Variants in ROBO1 observed in about 807,000 individuals in gnomAD.
ROBO1 encodes the protein roundabout homolog 1.
ROBO1 carries 149 observed loss-of-function variants against 195.9 expected under a neutral mutation model. The observed-to-expected ratio is 0.76, with a 90% CI of 0.67 to 0.87. The LOEUF is 0.87. Ranked by LOEUF, ROBO1 falls within the 40% of genes least tolerant of loss-of-function variation. The probability of loss-of-function intolerance (pLI) is 0.00; values close to 1 mark genes in which losing one functional copy is unlikely to be tolerated. For synonymous variants in ROBO1, 816 were observed against 733.2 expected, an observed-to-expected ratio of 1.11 and a Z score of -1.82; for missense variants, 1,933 against 2,068.3, an observed-to-expected ratio of 0.93 and a Z score of 1.27.
chr3:78,660,745 A>T (rs1246711044), intron 16 of ROBO1: 2 of 255,882 alleles, frequency 7.8e-6, no homozygotes. Context: ...TCATTTTTAA[A>T]TGTGAATTTT....
At chr3:79,471,938 GT>G (rs1260463204) in intron 2 of ROBO1, among the ~76,000 whole-genome samples, 1 of 146,878 alleles carries the variant, frequency 6.8e-6, no homozygotes, top group Non-Finnish European at 1.5e-5. Flanking sequence ...CCTGTTGGGG[GT>G]TGGGGGGCTA....
chr3:79,597,651 C>T (rs981493254), intron 1 of ROBO1, among the ~76,000 whole-genome samples: 3 of 152,010 alleles, frequency 2.0e-5, no homozygotes, highest in African/African-American at 7.2e-5. Context: ...CTATTACATC[C>T]TTGACTGAAA....
chr3:78,624,754 T>C (rs751255621), intron 26 of ROBO1, among the ~76,000 whole-genome samples: 1 of 151,970 alleles, frequency 6.6e-6, no homozygotes, highest in Non-Finnish European at 1.5e-5. Context: ...TGAAAACTGG[T>C]TAGTGTGGTA....
intron 2 of ROBO1, among the ~76,000 whole-genome samples, chr3:79,552,254 C>A (rs1364167617): frequency 6.6e-6 from 1 of 151,906 alleles, no homozygotes; most frequent in African/African-American, 2.4e-5. Context: ...AATATTCATT[C>A]TGAATATTAA....
chr3:79,565,162 A>C (rs1943050505), intron 2 of ROBO1, among the ~76,000 whole-genome samples: 1 of 152,112 alleles, frequency 6.6e-6, no homozygotes, highest in Non-Finnish European at 1.5e-5. Flanking sequence ...TAATGGTAGA[A>C]AAAAGCATTA....
At chr3:79,106,348 T>C (rs1293638850) in intron 3 of ROBO1, among the ~76,000 whole-genome samples, 1 of 151,636 alleles carries the variant, frequency 6.6e-6, no homozygotes, top group Non-Finnish European at 1.5e-5. Context: ...GATATCACAT[T>C]CTCCGGGGTT....
chr3:78,605,972 T>C (rs1165058385), intron 29 of ROBO1, among the ~76,000 whole-genome samples: 1 of 152,214 alleles, frequency 6.6e-6, no homozygotes, highest in Non-Finnish European at 1.5e-5. Context: ...AGTGCTTTCA[T>C]ATTTTATACT....
intron 1 of ROBO1, among the ~76,000 whole-genome samples, chr3:79,646,779 T>C (rs1208999259): frequency 6.6e-6 from 1 of 152,178 alleles, no homozygotes; most frequent in South Asian, 2.1e-4. Flanking sequence ...GAACTGGAGG[T>C]TACTATGTTA....
intron 2 of ROBO1, among the ~76,000 whole-genome samples, chr3:79,440,539 T>C (rs1264026831): frequency 5.3e-5 from 8 of 152,130 alleles, no homozygotes; most frequent in African/African-American, 1.9e-4. Context: ...AGCTGTCCCC[T>C]GCAAGAACCA....
intron 1 of ROBO1, among the ~76,000 whole-genome samples, chr3:79,642,308 TA>T (rs1458774353): frequency 3.5e-4 from 54 of 152,194 alleles, no homozygotes; most frequent in Non-Finnish European, 1.9e-4. Context: ...ATATAAGAAT[TA>T]TTAGTATTCA....
intron 3 of ROBO1, among the ~76,000 whole-genome samples, chr3:79,023,671 A>AT (rs34267931): frequency 0.28 from 32,023 of 114,722 alleles, 5,102 homozygotes; most frequent in African/African-American, 0.36. Flanking sequence ...AATAGGGCCA[A>AT]TTTTTTTTTT....
intron 2 of ROBO1, among the ~76,000 whole-genome samples, chr3:79,495,084 T>G (rs1346329511): frequency 6.6e-6 from 1 of 152,194 alleles, no homozygotes; most frequent in African/African-American, 2.4e-5. Context: ...ATGTATACTC[T>G]GAAAGCCAGA....
At chr3:79,265,009 A>T (rs2108952703) in intron 2 of ROBO1, among the ~76,000 whole-genome samples, 1 of 152,060 alleles carries the variant, frequency 6.6e-6, no homozygotes, top group African/African-American at 2.4e-5. Context: ...AGAGAACCAT[A>T]GAATCAGAAC....
rs185113581 is a variant in ROBO1, at chr3:78,738,073, C to G, written c.657+8670G>C. Among the ~76,000 whole-genome samples, 452 of 152,164 alleles carry G rather than the reference C, an allele frequency of 3.0e-3. 2 individuals carry two copies. Among genetic ancestry groups the G allele is most frequent in the Middle Eastern group, 0.01 (3 of 294 alleles). ...TGAACAATGAAAGAAATTGGAAGAG[C>G]AGACGAAAGCACTAATCGAAGGAAG... On this transcript the variant is annotated intron_variant, in intron 5 of 30. Transcript: ENST00000464233.
At chr3:79,312,514 G>A (rs983205111) in intron 2 of ROBO1, among the ~76,000 whole-genome samples, 4 of 152,130 alleles carry the variant, frequency 2.6e-5, no homozygotes, top group Non-Finnish European at 5.9e-5. Context: ...TGAATGAAGC[G>A]ATGTTATAGT....
chr3:79,515,626 A>G (rs1940912038), intron 2 of ROBO1, among the ~76,000 whole-genome samples: 1 of 152,212 alleles, frequency 6.6e-6, no homozygotes, highest in Non-Finnish European at 1.5e-5. Context: ...ACAAATATTC[A>G]TAAATAATAT....
intron 2 of ROBO1, among the ~76,000 whole-genome samples, chr3:79,471,792 G>C (rs1938290549): frequency 6.6e-6 from 1 of 152,048 alleles, no homozygotes; most frequent in Admixed American, 6.6e-5. Flanking sequence ...GCAGGGACAT[G>C]GATGAACCTG....
At position 78,732,528 on chromosome 3, in the gene ROBO1, C is replaced by G. The variant is rs1009987585; in HGVS notation, c.657+14215G>C. On this transcript the variant is annotated intron_variant, in intron 5 of 30. Transcript: ENST00000464233. ...GAAGAATGCCTCTTCTCTTCCCATG[C>G]AAACATGTGCTTATTATCATGAATG... Among the ~76,000 whole-genome samples, 3 of 152,136 alleles carry G rather than the reference C, an allele frequency of 2.0e-5. No homozygotes were observed. In the East Asian group the frequency reaches 5.8e-4, roughly 29 times the overall value.
chr3:79,096,395 C>G (rs565379291), intron 3 of ROBO1, among the ~76,000 whole-genome samples: 1 of 151,904 alleles, frequency 6.6e-6, no homozygotes, highest in Admixed American at 6.6e-5. Context: ...AATTTATATG[C>G]AGGTTTGATA....
Sources: gnomAD v4.1 joint callset for allele counts (sites outside exome capture counted in the v4.1 genomes callset) on GRCh38, gnomAD v4.1.1 for gene constraint, MANE v1.5 for transcripts, NCBI Gene and HGNC (gene_info 2026-07-23, HGNC 2026-07-21) for gene names.